The following CASZ1 variants were observed in gnomAD, a reference collection of about 807,000 sequenced individuals.
The protein encoded by CASZ1 is castor zinc finger 1, also known as zinc finger protein castor homolog 1.
CASZ1 carries 28 observed loss-of-function variants against 135.2 expected under a neutral mutation model. The observed-to-expected ratio is 0.21, with a 90% CI of 0.15 to 0.28. CASZ1 has a LOEUF of 0.28. CASZ1 is among the 10% of genes least tolerant of loss of function. CASZ1 has a pLI of 1.00. For missense variants in CASZ1, 2,161 were observed against 2,453.3 expected (o/e 0.88, Z 2.52); for synonymous variants, 1,068 against 1,073.4 (o/e 0.99, Z 0.10).
intron 5 of CASZ1, among the ~76,000 whole-genome samples, chr1:10,662,591 CAAT>C (rs926039036): frequency 4.1e-5 from 6 of 145,792 alleles, no homozygotes; most frequent in Admixed American, 4.1e-4. Context: ...ATCACACACA[CAAT>C]CACACACACT....
At position 10,679,583 on chromosome 1, in the gene CASZ1, T is replaced by C. The variant is rs567199659; in HGVS notation, c.17-14012A>G. ...CATACCATAGTCCTGGTTCCCAGCC[T>C]GCAACAGCTGCACCTCCACCCCCAG... On this transcript the variant is annotated intron_variant, in intron 4 of 20. Coordinates refer to ENST00000377022, the MANE Select transcript of CASZ1 (RefSeq NM_001079843.3). The surrounding 1 kb of genome is among the most constrained non-coding windows in gnomAD (Gnocchi z 4.7). 3.0e-3 allele frequency among the ~76,000 whole-genome samples: 458 copies of C among 152,168 alleles called. 1 individual carries two copies. The highest frequency in any genetic ancestry group is 4.4e-3 in the Non-Finnish European group (296 of 68,014).
chr1:10,749,414 A>AT (rs1443648306), intron 2 of CASZ1, among the ~76,000 whole-genome samples: 19 of 152,074 alleles, frequency 1.2e-4, no homozygotes, highest in African/African-American at 4.6e-4. Context: ...TGCACAGCTA[A>AT]TTTTTTGTGT....
chr1:10,641,570 G>A (rs549252589), intron 20 of CASZ1, among the ~76,000 whole-genome samples: 173 of 152,314 alleles, frequency 1.1e-3, no homozygotes, highest in African/African-American at 3.7e-3. Flanking sequence ...GGCGTGGCCC[G>A]GGGCTCAGGC....
chr1:10,638,297 G>A lies in CASZ1; in HGVS notation c.*645C>T, dbSNP rs1486020964. ...ACTCTGGGTTTTGGACGCAGCCTCG[G>A]TTTCCCTGGGGCGGAGGCTGGGGCC... On this transcript the variant is annotated 3_prime_UTR_variant, in exon 21 of 21. Transcript: ENST00000377022. The surrounding 1 kb of genome is among the most constrained non-coding windows in gnomAD (Gnocchi z 5.9). The A allele has an allele frequency of 6.6e-6, 1 of 152,228 alleles. No individual in the cohort carries two copies. Among genetic ancestry groups the A allele is most frequent in the East Asian group, 1.9e-4 (1 of 5,194 alleles). The allele number at this position is 152,228 out of a possible 1,614,324, so 9.4% of individuals were successfully genotyped here.
intron 2 of CASZ1, among the ~76,000 whole-genome samples, chr1:10,743,814 G>GAGCAGAGAGCAAGA: frequency 6.9e-6 from 1 of 145,528 alleles, no homozygotes; most frequent in South Asian, 2.3e-4. Flanking sequence ...GGTACCCGAT[G>GAGCAGAGAGCAAGA]AGCAGAGAGC....
intron 5 of CASZ1, among the ~76,000 whole-genome samples, chr1:10,662,503 C>A (rs1643079048): frequency 6.6e-6 from 1 of 152,056 alleles, no homozygotes; most frequent in Non-Finnish European, 1.5e-5. Flanking sequence ...CATAAACCCA[C>A]ACACGGTCAC....
intron 2 of CASZ1, among the ~76,000 whole-genome samples, chr1:10,746,276 G>A (rs766796088): frequency 2.8e-4 from 42 of 152,086 alleles, no homozygotes; most frequent in Non-Finnish European, 4.7e-4. Context: ...GCACACACAC[G>A]CATGCACGGC....
At position 10,693,863 on chromosome 1, in the gene CASZ1, C is replaced by G. The variant is rs770262844; in HGVS notation, c.16+11G>C. On this transcript the variant is annotated intron_variant, in intron 4 of 20. Coordinates refer to ENST00000377022, the MANE Select transcript of CASZ1 (RefSeq NM_001079843.3). ...TGAAAGAGCCGCCCCTGCGTTCCCACCGGCCGGTACCTGTTCCAAGATCCA... is the reference window on the plus strand; with the variant it reads ...TGAAAGAGCCGCCCCTGCGTTCCCAGCGGCCGGTACCTGTTCCAAGATCCA... 2.5e-6 allele frequency: 4 copies of G among 1,612,870 alleles called. No homozygotes were observed. Among genetic ancestry groups the G allele is most frequent in the Non-Finnish European group, 3.4e-6 (4 of 1,179,130 alleles).
At chr1:10,653,314 A>T in intron 11 of CASZ1, 63 bp downstream of exon 11, 1 of 1,537,018 alleles carries the variant, frequency 6.5e-7, no homozygotes. Context: ...CTGCAGCCTG[A>T]GGCCAGGTGG....
intron 4 of CASZ1, among the ~76,000 whole-genome samples, chr1:10,678,712 C>T (rs1638315478): frequency 6.6e-6 from 1 of 152,156 alleles, no homozygotes; most frequent in Non-Finnish European, 1.5e-5. Context: ...GTGACATAAA[C>T]GTCCCGAGCG....
In CASZ1 at chr1:10,636,959, G is replaced by C. The variant is rs1642013851; in HGVS notation, c.*1983C>G. The C allele has an allele frequency of 6.6e-6, 1 of 152,102 alleles. No individual in the cohort carries two copies. The highest frequency in any genetic ancestry group is 1.5e-5 in the Non-Finnish European group (1 of 67,982). The allele number at this position is 152,102 out of a possible 1,614,324, so 9.4% of individuals were successfully genotyped here. A position where few individuals can be genotyped will look rare whatever the true frequency, so the allele number is the denominator to read the frequency against. ...ATACATAGTTATAAAACATTAAAAA[G>C]AGCATTGGTGGATCAAGCATTGTTT... On this transcript the variant is annotated 3_prime_UTR_variant, in exon 21 of 21. Transcript: ENST00000377022.
At chr1:10,792,841 G>C (rs1040686950) in intron 1 of CASZ1, among the ~76,000 whole-genome samples, 2 of 151,896 alleles carry the variant, frequency 1.3e-5, no homozygotes, top group African/African-American at 2.4e-5. Flanking sequence ...AAAATATTTG[G>C]GTGACAATTT....
At chr1:10,650,635 C>G in intron 13 of CASZ1, 57 bp downstream of exon 13, 1 of 1,439,202 alleles carries the variant, frequency 6.9e-7, no homozygotes, top group Non-Finnish European at 9.8e-7. Flanking sequence ...CACCCCCCAG[C>G]ACAGCTTTAA....
rs1406337547 is a variant in CASZ1 at position 10,727,022 on chromosome 1, C to T, written c.-76-21478G>A. On this transcript the variant is annotated intron_variant, in intron 2 of 20. Transcript: ENST00000377022. This position sits in a 1 kb window ranked among gnomAD's most constrained non-coding sequence, Gnocchi z 5.3. ...CGGGAGAGGTGACTGGCAAGGTTTT[C>T]ACTTTACCCACTCTGGAAGAGAACA... 6.6e-6 allele frequency among the ~76,000 whole-genome samples: 1 copy of T among 152,126 alleles called. No homozygotes were observed. The highest frequency in any genetic ancestry group is 1.5e-5 in the Non-Finnish European group (1 of 68,024).
At chr1:10,695,508 C>T (rs1407908113) in intron 3 of CASZ1, among the ~76,000 whole-genome samples, 1 of 148,892 alleles carries the variant, frequency 6.7e-6, no homozygotes, top group Non-Finnish European at 1.5e-5. Context: ...CTAGGAAGGG[C>T]GCTCAGTAGA....
chr1:10,648,293 A>T (rs527579163), intron 15 of CASZ1, 154 bp from the exon 16 acceptor site: 629 of 594,716 alleles, frequency 1.1e-3, no homozygotes, highest in Non-Finnish European at 1.6e-3. Flanking sequence ...CCACCAGGAC[A>T]GAAGGACTGG....
At position 10,722,994 on chromosome 1, in the gene CASZ1, C is replaced by T. The variant is rs548147235; in HGVS notation, c.-76-17450G>A. On this transcript the variant is annotated intron_variant, in intron 2 of 20. Coordinates refer to ENST00000377022, the MANE Select transcript of CASZ1 (RefSeq NM_001079843.3). ...GGTGAGCCGGGTCTGCCACTGTCTG[C>T]GCTCACCTGATGTGCGCCCACGGCA... 5.9e-5 allele frequency among the ~76,000 whole-genome samples: 9 copies of T among 152,362 alleles called. No homozygotes were observed. In the South Asian group the frequency reaches 1.0e-3, roughly 18 times the overall value.
At chr1:10,705,593 T>A (rs1220680344) in intron 2 of CASZ1, 49 bp from the exon 3 acceptor site, 1 of 152,152 alleles carries the variant, frequency 6.6e-6, no homozygotes, top group African/African-American at 2.4e-5. Context: ...AGCCCATGAC[T>A]CCCCAGTGCA....
rs1570510794 is a variant in CASZ1, at chr1:10,711,068, T to C, written c.-76-5524A>G. ...ATCATTTGAACCCGGGAGGCAGAGGTTGCAGTGAGCTGAGATCATGCAACT... is the reference window on the plus strand; with the variant it reads ...ATCATTTGAACCCGGGAGGCAGAGGCTGCAGTGAGCTGAGATCATGCAACT... On this transcript the variant is annotated intron_variant, in intron 2 of 20. Coordinates refer to ENST00000377022, the MANE Select transcript of CASZ1 (RefSeq NM_001079843.3). This position sits in a 1 kb window ranked among gnomAD's most constrained non-coding sequence, Gnocchi z 4.4. 1.3e-5 allele frequency among the ~76,000 whole-genome samples: 2 copies of C among 151,410 alleles called. No individual in the cohort carries two copies. Among genetic ancestry groups the C allele is most frequent in the East Asian group, 1.9e-4 (1 of 5,144 alleles).
Sources: gnomAD v4.1 joint callset for allele counts (sites outside exome capture counted in the v4.1 genomes callset) on GRCh38, gnomAD v4.1.1 for gene constraint, Gnocchi (gnomAD v3.1) non-coding constraint, MANE v1.5 for transcripts, NCBI Gene and HGNC (gene_info 2026-07-23, HGNC 2026-07-21) for gene names.